Variants in WDFY3 observed in about 807,000 individuals in gnomAD.
WDFY3 encodes WD repeat and FYVE domain containing 3, also known as WD repeat and FYVE domain-containing protein 3.
A neutral mutation model predicts 409.6 loss-of-function variants in WDFY3; 66 were observed. That is an observed-to-expected ratio of 0.16 (90% CI 0.13 to 0.20). The LOEUF (loss-of-function observed/expected upper bound fraction) is 0.20, where lower values mean the gene tolerates loss of function less well. Ranked by LOEUF, WDFY3 falls within the 10% of genes least tolerant of loss-of-function variation. The pLI, the probability that WDFY3 is intolerant of heterozygous loss-of-function variation, is 1.00. For missense variants in WDFY3, 3,031 were observed against 4,298.1 expected, an observed-to-expected ratio of 0.71 and a Z score of 8.24; for synonymous variants, 1,521 against 1,537.1, an observed-to-expected ratio of 0.99 and a Z score of 0.25.
At chr4:84,813,343 A>G (rs1382898834) in intron 13 of WDFY3, among the ~76,000 whole-genome samples, 1 of 152,182 alleles carries the variant, frequency 6.6e-6, no homozygotes, top group Non-Finnish European at 1.5e-5. Flanking sequence ...GAATTTTGTA[A>G]GTCAGTTGTT....
chr4:84,719,670 ATATAT>A (rs1734523935), intron 47 of WDFY3, among the ~76,000 whole-genome samples: 2 of 152,316 alleles, frequency 1.3e-5, no homozygotes, highest in African/African-American at 2.4e-5. Context: ...ACATACATAC[ATATAT>A]TATATATAAA....
At chr4:84,949,924 C>T (rs1773383810) in intron 1 of WDFY3, among the ~76,000 whole-genome samples, 1 of 152,160 alleles carries the variant, frequency 6.6e-6, no homozygotes, top group South Asian at 2.1e-4. Context: ...AAGCCAATGA[C>T]ATCTCAAAAA....
At chr4:84,782,417 C>T (rs896000890) in intron 25 of WDFY3, among the ~76,000 whole-genome samples, 1 of 151,782 alleles carries the variant, frequency 6.6e-6, no homozygotes, top group African/African-American at 2.4e-5. Flanking sequence ...ATGCACAGAA[C>T]GTGCAGGTTT....
intron 2 of WDFY3, among the ~76,000 whole-genome samples, chr4:84,900,165 A>G (rs1006414803): frequency 6.6e-6 from 1 of 152,200 alleles, no homozygotes; most frequent in Non-Finnish European, 1.5e-5. Flanking sequence ...AACAACCCAA[A>G]TGTCCTTCAG....
intron 22 of WDFY3, among the ~76,000 whole-genome samples, 198 bp downstream of exon 22, chr4:84,789,528 T>C (rs1748115122): frequency 6.6e-6 from 1 of 152,132 alleles, no homozygotes; most frequent in East Asian, 1.9e-4. Context: ...TATTCTTCTC[T>C]AATAAAATGG....
chr4:84,905,664 A>G (rs1766950286), intron 2 of WDFY3, among the ~76,000 whole-genome samples: 1 of 152,216 alleles, frequency 6.6e-6, no homozygotes, highest in Non-Finnish European at 1.5e-5. Context: ...AAACTATAGT[A>G]TGTAACTTTA....
In WDFY3 at chr4:84,684,107, C is replaced by T. The variant is rs201646856; in HGVS notation, c.9562G>A (p.Ala3188Thr). 8.8e-6 allele frequency: 14 copies of T among 1,590,710 alleles called. No individual in the cohort carries two copies. Among genetic ancestry groups the T allele is most frequent in the East Asian group, 2.3e-5 (1 of 44,172 alleles). Residue 3188 changes from alanine (A) to threonine (T), a missense_variant, in exon 63 of 68, where the codon GCT becomes ACT. This residue lies in a region of WDFY3 where 378 missense variants were observed against 477.3 expected (regional missense o/e 0.79). Transcript: ENST00000295888. Reference sequence around the variant, plus strand: ...CTCCACACATGGATATATGTGCCAGCGCAGGACACAATGTCCCCCTGAGAA... The same window carrying T: ...CTCCACACATGGATATATGTGCCAGTGCAGGACACAATGTCCCCCTGAGAA... ...NELTGDIVSC[A>T]GTYIHVWSIN...
At position 84,696,090 on chromosome 4, in the gene WDFY3, A is replaced by T; in HGVS notation, c.8781T>A (p.Ala2927=). The T allele has an allele frequency of 6.2e-7, 1 of 1,614,192 alleles. No homozygotes were observed. The highest frequency in any genetic ancestry group is 8.5e-7 in the Non-Finnish European group (1 of 1,180,028). ...AAAAAAGATGATGGAAGACATTTAC[A>T]GCTTCTACTGCAGCAGGGCCTTGCT... ...YKQQGPAAVE[A]VNVFHHLFYE... The change falls in exon 58 of 68, where the codon GCT becomes GCA. Residue 2927 remains alanine, a synonymous_variant. Coordinates refer to ENST00000295888, the MANE Select transcript of WDFY3 (RefSeq NM_014991.6).
intron 1 of WDFY3, among the ~76,000 whole-genome samples, chr4:84,944,701 G>A (rs1772585511): frequency 6.6e-6 from 1 of 150,474 alleles, no homozygotes; most frequent in South Asian, 2.1e-4. Flanking sequence ...GGCTAAGACA[G>A]GAGAATTGCT....
At chr4:84,722,170 C>T (rs1734958463) in intron 46 of WDFY3, among the ~76,000 whole-genome samples, 1 of 152,062 alleles carries the variant, frequency 6.6e-6, no homozygotes, top group South Asian at 2.1e-4. Context: ...AGCAGATCAC[C>T]TGAGGTCAGG....
At chr4:84,719,848 T>C (rs10516728) in intron 47 of WDFY3, among the ~76,000 whole-genome samples, 10,169 of 152,228 alleles carry the variant, frequency 0.067, 466 homozygotes, top group Admixed American at 0.12. Flanking sequence ...CCTGGTGTAC[T>C]TTTATAGTTA....
rs116493008 is a variant in WDFY3 at position 84,833,843 on chromosome 4, A to G, written c.577-2238T>C. Among the ~76,000 whole-genome samples, 1,017 of 152,300 alleles carry G rather than the reference A, an allele frequency of 6.7e-3. 11 individuals carry two copies. Among genetic ancestry groups the G allele is most frequent in the African/African-American group, 0.023 (949 of 41,564 alleles). Reference sequence around the variant, plus strand: ...TTCCCTCAAATGCAAAAACTTGCTTAGATATAAAAGCTTTCTAATTCATAG... The same window carrying G: ...TTCCCTCAAATGCAAAAACTTGCTTGGATATAAAAGCTTTCTAATTCATAG... On this transcript the variant is annotated intron_variant, in intron 7 of 67. Transcript: ENST00000295888.
At chr4:84,858,191 TA>T in intron 4 of WDFY3, among the ~76,000 whole-genome samples, 1 of 152,288 alleles carries the variant, frequency 6.6e-6, no homozygotes, top group South Asian at 2.1e-4. Flanking sequence ...TTAAGTGCTG[TA>T]AGTATATTAT....
chr4:84,812,843 C>T (rs745752998), intron 13 of WDFY3, among the ~76,000 whole-genome samples: 6 of 152,016 alleles, frequency 3.9e-5, no homozygotes, highest in South Asian at 2.1e-4. Context: ...TCTCAGTATT[C>T]GAAAAATTTC....
intron 3 of WDFY3, among the ~76,000 whole-genome samples, chr4:84,891,475 T>C (rs965185223): frequency 6.6e-6 from 1 of 152,166 alleles, no homozygotes; most frequent in Non-Finnish European, 1.5e-5. Flanking sequence ...TAAAAAACTA[T>C]ACACAACAGA....
At chr4:84,735,558 C>T (rs1488094691) in intron 42 of WDFY3, among the ~76,000 whole-genome samples, 3 of 152,192 alleles carry the variant, frequency 2.0e-5, no homozygotes, top group Admixed American at 2.0e-4. Flanking sequence ...TCCCTATGTC[C>T]AATCCTGCTT....
At chr4:84,932,024 T>C (rs1370388635) in intron 2 of WDFY3, among the ~76,000 whole-genome samples, 2 of 152,154 alleles carry the variant, frequency 1.3e-5, no homozygotes. Context: ...GTAATATTGA[T>C]TTAAAGCCAA....
At chr4:84,760,277 T>C (rs1192578638) in intron 32 of WDFY3, among the ~76,000 whole-genome samples, 3 of 152,086 alleles carry the variant, frequency 2.0e-5, no homozygotes, top group Non-Finnish European at 2.9e-5. Context: ...TTTTTGGTTG[T>C]GTCTCTGCCC....
At chr4:84,817,813 C>T (rs776150738) in intron 12 of WDFY3, among the ~76,000 whole-genome samples, 6 of 152,062 alleles carry the variant, frequency 3.9e-5, no homozygotes, top group African/African-American at 1.2e-4. Flanking sequence ...AGATTAATGC[C>T]GTGATATGTT....
Sources: gnomAD v4.1 joint callset for allele counts (sites outside exome capture counted in the v4.1 genomes callset) on GRCh38, gnomAD v4.1.1 for gene constraint, gnomAD v4.1.1 regional missense constraint, MANE v1.5 for transcripts, NCBI Gene and HGNC (gene_info 2026-07-23, HGNC 2026-07-21) for gene names.